ADGRD1: variants seen among roughly 807,000 people sequenced by gnomAD.
The protein encoded by ADGRD1 is G-protein coupled receptor 133.
In ADGRD1, 77 loss-of-function variants were observed where a neutral mutation model predicts 113.4. The observed-to-expected ratio is 0.68, with a 90% CI of 0.57 to 0.82. The LOEUF (loss-of-function observed/expected upper bound fraction) is 0.82. Among genes scored for constraint, ADGRD1 ranks in the 40% least tolerant of loss-of-function variants. The pLI, the probability that ADGRD1 is intolerant of heterozygous loss-of-function variation, is 0.00. For missense variants in ADGRD1, 1,036 were observed against 1,139.1 expected (o/e 0.91, Z 1.30); for synonymous variants, 474 against 475.0 (o/e 1.00, Z 0.03).
In ADGRD1 at chr12:131,057,559, G is replaced by C. The variant is rs753712031; in HGVS notation, c.1474-19242G>C. 1.3e-5 allele frequency among the ~76,000 whole-genome samples: 2 copies of C among 152,152 alleles called. No individual in the cohort carries two copies. Among genetic ancestry groups the C allele is most frequent in the African/African-American group, 2.4e-5 (1 of 41,434 alleles). On this transcript the variant is annotated intron_variant, in intron 13 of 24. Transcript: ENST00000261654. This position sits in a 1 kb window ranked among gnomAD's most constrained non-coding sequence, Gnocchi z 4.2. ...CCCTGCCTGTCTCCTAGTAGTCCTG[G>C]CCTGCGGCAGCCAACTCCAGTCTCT...
chr12:131,099,612 T>C lies in ADGRD1; in HGVS notation c.1672-5219T>C, dbSNP rs1459516819. 2.6e-5 allele frequency among the ~76,000 whole-genome samples: 4 copies of C among 152,252 alleles called. No homozygotes were observed. In the East Asian group the frequency reaches 7.7e-4, roughly 29 times the overall value. On this transcript the variant is annotated intron_variant, in intron 15 of 24. Transcript: ENST00000261654. ...CGGCCTCATTATTCAGACCATTGTG[T>C]GGAAGAAGAATGTATAACGTTACAT...
intron 14 of ADGRD1, among the ~76,000 whole-genome samples, chr12:131,082,223 G>A (rs1451280889): frequency 6.6e-6 from 1 of 152,100 alleles, no homozygotes; most frequent in Non-Finnish European, 1.5e-5. Flanking sequence ...ATTTATGCAT[G>A]TTACATTTTA....
intron 15 of ADGRD1, among the ~76,000 whole-genome samples, chr12:131,091,673 G>A (rs1045262955): frequency 1.7e-4 from 26 of 152,076 alleles, no homozygotes; most frequent in Admixed American, 9.2e-4. Flanking sequence ...AGAAAGGCAC[G>A]GGCAGTGCAT....
In ADGRD1 at chr12:131,017,380, C is replaced by T. The variant is rs1372231378; in HGVS notation, c.1473+3040C>T. ...ACACACCCAGTGCACACAGTCCACA[C>T]ACACCCAGTCCACATACACTCAGTC... On this transcript the variant is annotated intron_variant, in intron 13 of 24. Transcript: ENST00000261654. Among the ~76,000 whole-genome samples, 292 of 134,730 alleles carry T rather than the reference C, an allele frequency of 2.2e-3. 18 individuals are homozygous for T. Among genetic ancestry groups the T allele is most frequent in the African/African-American group, 8.5e-3 (276 of 32,424 alleles). The allele number at this position is 134,730 out of a possible 152,430, so 88.4% of individuals were successfully genotyped here.
At position 131,027,300 on chromosome 12, in the gene ADGRD1, A is replaced by G. The variant is rs2136905622; in HGVS notation, c.1473+12960A>G. ...TGGTGACTTCTTTCGGGGCTTCTCT[A>G]GGTGTGTGTGTGTGTGCACACAATT... On this transcript the variant is annotated intron_variant, in intron 13 of 24. Coordinates refer to ENST00000261654, the MANE Select transcript of ADGRD1 (RefSeq NM_198827.5). The surrounding 1 kb of genome is among the most constrained non-coding windows in gnomAD (Gnocchi z 5.1). The G allele has an allele frequency of 6.6e-6, 1 of 152,192 alleles. No homozygotes were observed. Among genetic ancestry groups the G allele is most frequent in the South Asian group, 2.1e-4 (1 of 4,822 alleles). 9.4% of individuals were successfully genotyped at this position (152,192 alleles called of 1,614,324 possible). A position where few individuals can be genotyped will look rare whatever the true frequency, so the allele number is the denominator to read the frequency against.
chr12:131,105,925 C>T (rs898536305), intron 17 of ADGRD1, 60 bp downstream of exon 17: 21 of 1,207,252 alleles, frequency 1.7e-5, no homozygotes, highest in Non-Finnish European at 2.4e-5. Flanking sequence ...CGGATGTCAC[C>T]GGGTGGCACC....
intron 8 of ADGRD1, among the ~76,000 whole-genome samples, chr12:130,994,897 GAT>G (rs1184635063): frequency 6.6e-6 from 1 of 152,208 alleles, no homozygotes; most frequent in African/African-American, 2.4e-5. Flanking sequence ...CTGCCTGTGG[GAT>G]GCTGGTCCTA....
chr12:131,120,681 A>G, intron 19 of ADGRD1, 166 bp from the exon 20 acceptor site: 1 of 709,468 alleles, frequency 1.4e-6, no homozygotes, highest in East Asian at 2.7e-5. Context: ...GAGACGTGGG[A>G]TCATCATGGA....
intron 2 of ADGRD1, chr12:130,957,119 C>T (rs1003089006): frequency 6.6e-6 from 1 of 152,308 alleles, no homozygotes; most frequent in Admixed American, 6.5e-5. Flanking sequence ...CATATATACA[C>T]ATCCATGCAC....
chr12:131,100,348 G>A (rs1279430984), intron 15 of ADGRD1, among the ~76,000 whole-genome samples: 1 of 151,484 alleles, frequency 6.6e-6, no homozygotes, highest in Non-Finnish European at 1.5e-5. Flanking sequence ...TTGGTTCATG[G>A]TCGGTTTGGT....
intron 18 of ADGRD1, among the ~76,000 whole-genome samples, chr12:131,116,488 A>C (rs1950466366): frequency 6.6e-6 from 1 of 152,204 alleles, no homozygotes; most frequent in Non-Finnish European, 1.5e-5. Flanking sequence ...TTGGAAGGGC[A>C]GGCACGGCGT....
At chr12:131,072,768 G>C (rs900054545) in intron 13 of ADGRD1, among the ~76,000 whole-genome samples, 1 of 152,246 alleles carries the variant, frequency 6.6e-6, no homozygotes, top group African/African-American at 2.4e-5. Context: ...GGCCTCTGCT[G>C]TTGTCCTCAG....
Position 131,073,335 on chromosome 12 carries a change from G to A in ADGRD1, c.1474-3466G>A, listed in dbSNP as rs570401609. On this transcript the variant is annotated intron_variant, in intron 13 of 24. Transcript: ENST00000261654. ...TCTGTTATCCTTGATTTCCCTAAAG[G>A]TGGGACATTTCAAGCATTCAAAGCC... 1.3e-3 allele frequency among the ~76,000 whole-genome samples: 199 copies of A among 152,358 alleles called. 1 individual carries two copies. Among genetic ancestry groups the A allele is most frequent in the African/African-American group, 4.5e-3 (187 of 41,584 alleles).
chr12:131,088,276 G>A lies in ADGRD1; in HGVS notation c.1671+3613G>A, dbSNP rs559795250. On this transcript the variant is annotated intron_variant, in intron 15 of 24. Transcript: ENST00000261654. The stretch of plus-strand genomic sequence containing the variant: ...GTTATTGAATTACCGGTAGAGCCTG[G>A]GCTGTTTAGGTAGCACCCGGGCCAT... 2.8e-4 allele frequency among the ~76,000 whole-genome samples: 42 copies of A among 152,340 alleles called. No individual in the cohort carries two copies. In the South Asian group the frequency reaches 8.7e-3, roughly 32 times the overall value.
chr12:131,102,558 G>T (rs1412762442), intron 15 of ADGRD1, among the ~76,000 whole-genome samples: 2 of 152,202 alleles, frequency 1.3e-5, no homozygotes, highest in African/African-American at 2.4e-5. Context: ...CCTGGGTGTT[G>T]CCAGGCAGCG....
At chr12:131,120,729 C>A in intron 19 of ADGRD1, 118 bp from the exon 20 acceptor site, 2 of 901,148 alleles carry the variant, frequency 2.2e-6, no homozygotes, top group Non-Finnish European at 3.8e-6. Flanking sequence ...TGTTGTATGA[C>A]TGCCCCAGGT....
chr12:131,138,335 C>A, intron 24 of ADGRD1, 106 bp downstream of exon 24: 1 of 887,068 alleles, frequency 1.1e-6, no homozygotes, highest in South Asian at 1.5e-5. Context: ...TTCGGGTGCC[C>A]AGCAGTCTTT....
At chr12:131,092,695 C>T (rs777963738) in intron 15 of ADGRD1, among the ~76,000 whole-genome samples, 3 of 152,044 alleles carry the variant, frequency 2.0e-5, no homozygotes, top group Non-Finnish European at 2.9e-5. Context: ...TGCCAGTCCC[C>T]GAGCACCCGC....
chr12:130,997,724 G>A (rs1875772161), intron 8 of ADGRD1, among the ~76,000 whole-genome samples: 1 of 151,022 alleles, frequency 6.6e-6, no homozygotes, highest in Non-Finnish European at 1.5e-5. Flanking sequence ...TCCAGACTGG[G>A]CAGCCAGGCA....
Sources: allele counts gnomAD v4.1 joint callset (sites outside exome capture counted in the v4.1 genomes callset), GRCh38; gene constraint gnomAD v4.1.1; non-coding constraint Gnocchi (gnomAD v3.1); transcripts MANE v1.5; gene names NCBI Gene and HGNC (gene_info 2026-07-23, HGNC 2026-07-21).